VWF: variants seen among roughly 807,000 people sequenced by gnomAD.
VWF encodes the protein Factor VIII related antigen.
In VWF, 176 loss-of-function variants were observed where a neutral mutation model predicts 308.6. That is an observed-to-expected ratio of 0.57 (90% confidence interval 0.50 to 0.65). The LOEUF (loss-of-function observed/expected upper bound fraction) is 0.65. Among genes scored for constraint, VWF ranks in the 30% least tolerant of loss-of-function variants. The pLI, the probability that VWF is intolerant of heterozygous loss-of-function variation, is 0.00. For missense variants in VWF, 3,146 were observed against 3,648.2 expected, an observed-to-expected ratio of 0.86 and a Z score of 3.55; for synonymous variants, 1,385 against 1,443.4, an observed-to-expected ratio of 0.96 and a Z score of 0.92.
chr12:5,953,785 T>A, intron 47 of VWF, 191 bp from the exon 48 acceptor site: 2 of 621,456 alleles, frequency 3.2e-6, no homozygotes. Flanking sequence ...TCACTCTGCA[T>A]GTGCACATCT....
intron 16 of VWF, among the ~76,000 whole-genome samples, chr12:6,050,304 CA>C (rs1944494770): frequency 6.6e-6 from 1 of 152,182 alleles, no homozygotes; most frequent in Non-Finnish European, 1.5e-5. Context: ...TTCTGGCTTC[CA>C]CTCTCCATTT....
At chr12:6,080,291 A>ACGCAGACAGGAGTAAGTCATGCCT (rs1944895675) in intron 6 of VWF, among the ~76,000 whole-genome samples, 1 of 152,266 alleles carries the variant, frequency 6.6e-6, no homozygotes, top group Non-Finnish European at 1.5e-5. Flanking sequence ...ACAGTGATGA[A>ACGCAGACAGGAGTAAGTCATGCCT]CGCAGACAGG....
intron 6 of VWF, among the ~76,000 whole-genome samples, chr12:6,080,143 C>T (rs980316457): frequency 6.6e-6 from 1 of 152,308 alleles, no homozygotes; most frequent in East Asian, 1.9e-4. Context: ...TCACAGCCCT[C>T]TGGGGGCCTC....
chr12:6,057,500 T>TATTA (rs1452877717), intron 14 of VWF, among the ~76,000 whole-genome samples: 2 of 144,710 alleles, frequency 1.4e-5, no homozygotes, highest in East Asian at 4.0e-4. Context: ...TTATTATTAT[T>TATTA]ATTATTATTA....
At chr12:5,997,153 T>C (rs1943816206) in intron 34 of VWF, among the ~76,000 whole-genome samples, 1 of 152,138 alleles carries the variant, frequency 6.6e-6, no homozygotes, top group Non-Finnish European at 1.5e-5. Context: ...TGACAAATGA[T>C]GGGTCTGGAA....
chr12:5,985,452 C>T lies in VWF; in HGVS notation c.6901+111G>A, dbSNP rs1943668738. 5 of 1,218,812 alleles carry T rather than the reference C, an allele frequency of 4.1e-6. No individual in the cohort carries two copies. The Admixed American group carries it at 9.9e-5, about 24-fold the overall frequency. The allele number at this position is 1,218,812 out of a possible 1,614,324, so 75.5% of individuals were successfully genotyped here. A position where few individuals can be genotyped will look rare whatever the true frequency, so the allele number is the denominator to read the frequency against. ...AAGGAAGCCCACCCACTCTAGGACT[C>T]TAGGTGCCAGTGTTTGAGTCTGCTC... On this transcript the variant is annotated intron_variant, in intron 39 of 51. Transcript: ENST00000261405.
At chr12:5,950,869 G>C (rs932110238) in intron 50 of VWF, among the ~76,000 whole-genome samples, 2 of 152,062 alleles carry the variant, frequency 1.3e-5, no homozygotes, top group African/African-American at 2.4e-5. Context: ...TTCTCTGATG[G>C]TTTCCTGACT....
At chr12:6,035,821 A>G (rs1237725754) in intron 19 of VWF, among the ~76,000 whole-genome samples, 2 of 152,226 alleles carry the variant, frequency 1.3e-5, no homozygotes, top group South Asian at 2.1e-4. Flanking sequence ...CAAAACTCTG[A>G]AGTCCAAAAT....
intron 32 of VWF, among the ~76,000 whole-genome samples, chr12:6,012,889 G>C (rs2136404872): frequency 6.6e-6 from 1 of 152,074 alleles, no homozygotes; most frequent in Admixed American, 6.5e-5. Context: ...TTTTAGTAGA[G>C]ACAGGGTTTC....
chr12:6,057,827 C>T lies in VWF; in HGVS notation c.1729+22G>A, dbSNP rs374595413. ...ACCTCGAGATTCTGCGAGGTCCCTGCCTTGCCCCCGGGTTCACATACTCAT... is the reference window on the plus strand; with the variant it reads ...ACCTCGAGATTCTGCGAGGTCCCTGTCTTGCCCCCGGGTTCACATACTCAT... On this transcript the variant is annotated intron_variant, in intron 14 of 51. Coordinates refer to ENST00000261405, the MANE Select transcript of VWF (RefSeq NM_000552.5). 2.9e-4 allele frequency: 469 copies of T among 1,592,010 alleles called. 1 individual carries two copies. Among genetic ancestry groups the T allele is most frequent in the Non-Finnish European group, 3.7e-4 (438 of 1,169,048 alleles).
chr12:6,072,672 G>GGT, intron 8 of VWF, among the ~76,000 whole-genome samples: 1 of 152,258 alleles, frequency 6.6e-6, no homozygotes. Context: ...CATCCAGTAG[G>GGT]GGAGGCACAA....
At chr12:5,952,778 C>T (rs529559750) in intron 48 of VWF, among the ~76,000 whole-genome samples, 5 of 152,302 alleles carry the variant, frequency 3.3e-5, no homozygotes, top group African/African-American at 1.2e-4. Flanking sequence ...GATATAGCAA[C>T]AGTAAACTGG....
At chr12:6,095,392 A>T in intron 6 of VWF, 68 bp downstream of exon 6, 1 of 1,610,712 alleles carries the variant, frequency 6.2e-7, no homozygotes, top group African/African-American at 1.3e-5. Context: ...TATGAGACTG[A>T]GTCCTTCTGT....
chr12:6,018,454 T>G lies in VWF; in HGVS notation c.4964A>C (p.Glu1655Ala). The change falls in exon 28 of 52, where the codon GAG (glutamate) becomes GCG (alanine). Residue 1655 changes from glutamate to alanine, a missense_variant. Coordinates refer to ENST00000261405, the MANE Select transcript of VWF (RefSeq NM_000552.5). ...GTCAGGAGCCTCTCGGGGGAGCGTC[T>G]CAAAGTCCTGGATGAGGATAGGGGC... Reference protein sequence around the residue: ...PNAPILIQDFETLPREAPDLV... With the variant: ...PNAPILIQDFATLPREAPDLV... 1 of 1,613,138 alleles carries G rather than the reference T, an allele frequency of 6.2e-7. No homozygotes were observed. Among genetic ancestry groups the G allele is most frequent in the Non-Finnish European group, 8.5e-7 (1 of 1,179,626 alleles).
rs1004318537 is a variant in VWF, at chr12:6,071,288, G to A, written c.1156+9C>T. The A allele has an allele frequency of 6.2e-7, 1 of 1,614,070 alleles. No individual in the cohort carries two copies. Among genetic ancestry groups the A allele is most frequent in the Non-Finnish European group, 8.5e-7 (1 of 1,180,018 alleles). ...GAAGGAGGAAGAGAATGAGCGGCAG[G>A]TCGCCTACCTGGACATTCTTCATTG... On this transcript the variant is annotated intron_variant, in intron 10 of 51. Transcript: ENST00000261405.
intron 6 of VWF, among the ~76,000 whole-genome samples, chr12:6,076,065 CA>C (rs1224726819): frequency 2.0e-5 from 3 of 151,790 alleles, no homozygotes; most frequent in African/African-American, 7.3e-5. Context: ...TGGGGATCAG[CA>C]AGATTTTTTT....
chr12:6,051,243 T>C (rs972647767), intron 16 of VWF, among the ~76,000 whole-genome samples: 3 of 151,836 alleles, frequency 2.0e-5, no homozygotes, highest in African/African-American at 7.3e-5. Context: ...CTCTCTACTT[T>C]AATGTCTGTC....
At chr12:6,095,249 A>G in intron 6 of VWF, 1 of 679,442 alleles carries the variant, frequency 1.5e-6, no homozygotes. Flanking sequence ...GGACTGAGAC[A>G]CTACACCAAG....
intron 5 of VWF, among the ~76,000 whole-genome samples, chr12:6,104,107 G>T (rs1945213815): frequency 6.6e-6 from 1 of 151,958 alleles, no homozygotes; most frequent in Non-Finnish European, 1.5e-5. Context: ...GCAAGAAGTG[G>T]GCAAAGGACA....
Sources: gnomAD v4.1 joint callset for allele counts (sites outside exome capture counted in the v4.1 genomes callset) on GRCh38, gnomAD v4.1.1 for gene constraint, MANE v1.5 for transcripts, NCBI Gene and HGNC (gene_info 2026-07-23, HGNC 2026-07-21) for gene names.